Variants in SDCCAG8 observed in about 807,000 individuals in gnomAD.
The protein encoded by SDCCAG8 is serologically defined colon cancer antigen 8.
A neutral mutation model predicts 101.8 loss-of-function variants in SDCCAG8; 74 were observed. The observed-to-expected ratio is 0.73, with a 90% CI of 0.60 to 0.88. The LOEUF is 0.88. Ranked by LOEUF, SDCCAG8 falls within the 40% of genes least tolerant of loss-of-function variation. SDCCAG8 has a pLI of 0.00. For missense variants in SDCCAG8, 787 were observed against 822.6 expected, an observed-to-expected ratio of 0.96 and a Z score of 0.53; for synonymous variants, 281 against 292.9, an observed-to-expected ratio of 0.96 and a Z score of 0.41.
At chr1:243,423,085 G>C (rs904150698) in intron 15 of SDCCAG8, among the ~76,000 whole-genome samples, 1 of 152,040 alleles carries the variant, frequency 6.6e-6, no homozygotes. Context: ...AGGCATATAT[G>C]TCAAATTTTT....
chr1:243,476,075 T>C (rs1662359119), intron 16 of SDCCAG8: 1 of 985,436 alleles, frequency 1.0e-6, no homozygotes. Flanking sequence ...CCAACACTCA[T>C]CAGTGTGTGG....
chr1:243,484,456 A>T (rs1018436051), intron 16 of SDCCAG8, among the ~76,000 whole-genome samples: 1 of 152,226 alleles, frequency 6.6e-6, no homozygotes, highest in Non-Finnish European at 1.5e-5. Flanking sequence ...TTAAAGTGGC[A>T]TAATAATTAG....
At chr1:243,278,073 G>A (rs1163317159) in intron 4 of SDCCAG8, among the ~76,000 whole-genome samples, 1 of 152,180 alleles carries the variant, frequency 6.6e-6, no homozygotes, top group African/African-American at 2.4e-5. Flanking sequence ...TATTGATCAA[G>A]TTGGGAATAA....
At chr1:243,308,966 G>A (rs2072442781) in intron 8 of SDCCAG8, among the ~76,000 whole-genome samples, 2 of 152,158 alleles carry the variant, frequency 1.3e-5, no homozygotes, top group Non-Finnish European at 2.9e-5. Context: ...CCTTTTAGAA[G>A]AAGTCTCTCA....
intron 9 of SDCCAG8, 47 bp downstream of exon 9, chr1:243,316,940 T>C (rs1302289255): frequency 1.3e-6 from 2 of 1,574,070 alleles, no homozygotes; most frequent in African/African-American, 1.4e-5. Context: ...TTTTTTTTTC[T>C]TTTTTCTTCT....
At chr1:243,259,152 G>A (rs2066994438) in intron 1 of SDCCAG8, among the ~76,000 whole-genome samples, 1 of 152,124 alleles carries the variant, frequency 6.6e-6, no homozygotes, top group African/African-American at 2.4e-5. Context: ...TGTAATCCCA[G>A]CACTTTGGGA....
At chr1:243,485,590 C>G (rs1327058004) in intron 16 of SDCCAG8, among the ~76,000 whole-genome samples, 1 of 152,220 alleles carries the variant, frequency 6.6e-6, no homozygotes, top group African/African-American at 2.4e-5. Flanking sequence ...GGGTTGGAGG[C>G]TTTTCCAAAA....
intron 16 of SDCCAG8, among the ~76,000 whole-genome samples, chr1:243,481,546 G>GA (rs1663759179): frequency 6.6e-6 from 1 of 152,170 alleles, no homozygotes; most frequent in Non-Finnish European, 1.5e-5. Context: ...GGGAGGAGTA[G>GA]AAAAGTGAGT....
At chr1:243,427,906 C>T (rs965391436) in intron 16 of SDCCAG8, among the ~76,000 whole-genome samples, 6 of 152,166 alleles carry the variant, frequency 3.9e-5, no homozygotes, top group African/African-American at 9.7e-5. Context: ...GTAAATATTT[C>T]GGACTTTGCA....
At chr1:243,352,404 T>C (rs2076129251) in intron 12 of SDCCAG8, among the ~76,000 whole-genome samples, 1 of 152,216 alleles carries the variant, frequency 6.6e-6, no homozygotes, top group Non-Finnish European at 1.5e-5. Flanking sequence ...GTGTTTTGGT[T>C]CTTTGAACAT....
At chr1:243,296,367 C>T (rs2070875579) in intron 6 of SDCCAG8, among the ~76,000 whole-genome samples, 1 of 152,020 alleles carries the variant, frequency 6.6e-6, no homozygotes, top group South Asian at 2.1e-4. Flanking sequence ...ATATATTCTC[C>T]TGACCCTACA....
intron 9 of SDCCAG8, among the ~76,000 whole-genome samples, chr1:243,327,895 T>C (rs1401226832): frequency 1.3e-5 from 2 of 152,122 alleles, no homozygotes; most frequent in Admixed American, 6.5e-5. Context: ...TTTTTGTTTG[T>C]TTGTTTGTTT....
chr1:243,410,335 C>T (rs1427988796), intron 13 of SDCCAG8, among the ~76,000 whole-genome samples: 1 of 152,186 alleles, frequency 6.6e-6, no homozygotes, highest in Admixed American at 6.5e-5. Context: ...AATATTGGGA[C>T]AGGTGTACAT....
At chr1:243,257,027 C>T (rs375575077) in intron 1 of SDCCAG8, among the ~76,000 whole-genome samples, 1 of 152,112 alleles carries the variant, frequency 6.6e-6, no homozygotes, top group Admixed American at 6.5e-5. Context: ...TCAACTTGGA[C>T]AGCATATATA....
intron 16 of SDCCAG8, chr1:243,475,937 A>G (rs1662324015): frequency 4.1e-6 from 4 of 985,416 alleles, no homozygotes; most frequent in Non-Finnish European, 4.8e-6. Context: ...ACAGTGGCAC[A>G]CAACTGGGCA....
intron 16 of SDCCAG8, among the ~76,000 whole-genome samples, chr1:243,456,133 C>G (rs542959475): frequency 6.6e-6 from 1 of 152,138 alleles, no homozygotes; most frequent in South Asian, 2.1e-4. Context: ...TCGAATGAAC[C>G]GGGAGCATGC....
chr1:243,482,690 G>A (rs755592456), intron 16 of SDCCAG8, among the ~76,000 whole-genome samples: 6 of 152,180 alleles, frequency 3.9e-5, no homozygotes, highest in Admixed American at 6.5e-5. Flanking sequence ...TGTGAGGGCC[G>A]GGGAGCACAG....
At position 243,452,409 on chromosome 1, in the gene SDCCAG8, CATCTCTTTTTTTTTTTTT is replaced by C. The variant is rs1184348003; in HGVS notation, c.1985+25852_1985+25869del. The stretch of plus-strand genomic sequence containing the variant: ...CTTCTCCCTACCCTTGAGATGATCT[CATCTCTTTTTTTTTTTTT>C]TTTTTTTTTTTTTGGGACAGTATCT... On this transcript the variant is annotated intron_variant, in intron 16 of 17. Transcript: ENST00000366541. Among the ~76,000 whole-genome samples the C allele has an allele frequency of 4.5e-3, 550 of 121,038 alleles. 14 individuals carry two copies. Among genetic ancestry groups the C allele is most frequent in the African/African-American group, 0.018 (528 of 29,588 alleles). The allele number at this position is 121,038 out of a possible 152,430, so 79.4% of individuals were successfully genotyped here.
rs1376976473 is a variant in SDCCAG8, at chr1:243,308,106, T to C, written c.858T>C (p.Cys286=). ...CNRVGGLCLK[C]AQHEAVLSQT... ...GTGTTGGTGGTCTTTGTTTGAAATG[T>C]GCTCAGCATGAAGCTGTTCTTTCCC... The change falls in exon 8 of 18, where the codon TGT becomes TGC. Residue 286 remains cysteine (C), a synonymous_variant. Transcript: ENST00000366541. 6 of 1,614,232 alleles carry C rather than the reference T, an allele frequency of 3.7e-6. No homozygotes were observed. The Admixed American group carries it at 5.0e-5, about 13-fold the overall frequency.
Sources: gnomAD v4.1 joint callset for allele counts (sites outside exome capture counted in the v4.1 genomes callset) on GRCh38, gnomAD v4.1.1 for gene constraint, MANE v1.5 for transcripts, NCBI Gene and HGNC (gene_info 2026-07-23, HGNC 2026-07-21) for gene names.